The following SRPK1 variants were observed in gnomAD, a reference collection of about 807,000 sequenced individuals.
SRPK1 encodes SRSF protein kinase 1.
Under a neutral mutation model 89.5 loss-of-function variants are expected in SRPK1, and 52 were observed. That is an observed-to-expected ratio of 0.58 (90% confidence interval 0.46 to 0.73). SRPK1 has a LOEUF of 0.73. SRPK1 is among the 30% of genes least tolerant of loss of function. The probability of loss-of-function intolerance (pLI) is 0.00; values close to 1 mark genes in which losing one functional copy is unlikely to be tolerated. For missense variants in SRPK1, 603 were observed against 780.6 expected, an observed-to-expected ratio of 0.77 and a Z score of 2.71; for synonymous variants, 255 against 270.2, an observed-to-expected ratio of 0.94 and a Z score of 0.55.
At chr6:35,862,777 T>C (rs1025660450) in intron 12 of SRPK1, among the ~76,000 whole-genome samples, 1 of 151,848 alleles carries the variant, frequency 6.6e-6, no homozygotes. Context: ...AATCAGAAAA[T>C]CCATTCAAGA....
chr6:35,838,377 A>G lies in SRPK1; in HGVS notation c.1743T>C (p.Ile581=). Residue 581 remains isoleucine, a synonymous_variant, in exon 15 of 16, where the codon ATT becomes ATC. Coordinates refer to ENST00000373825, the MANE Select transcript of SRPK1 (RefSeq NM_003137.5). ...ELLGKVPRKL[I]VAGKYSKEFF... The stretch of plus-strand genomic sequence containing the variant: ...ATTCCTTGGAATATTTTCCTGCCAC[A>G]ATGAGCTTGCGAGGCACCTTCCCCA... The G allele has an allele frequency of 6.3e-7, 1 of 1,581,660 alleles. No individual in the cohort carries two copies. Among genetic ancestry groups the G allele is most frequent in the Non-Finnish European group, 8.5e-7 (1 of 1,171,780 alleles).
chr6:35,901,994 C>T (rs960242301), intron 2 of SRPK1, among the ~76,000 whole-genome samples: 1 of 151,966 alleles, frequency 6.6e-6, no homozygotes, highest in African/African-American at 2.4e-5. Context: ...CAACCTTGAT[C>T]CTCAGGTGAC....
At chr6:35,892,681 A>AATG (rs1561989576) in intron 2 of SRPK1, among the ~76,000 whole-genome samples, 1 of 141,150 alleles carries the variant, frequency 7.1e-6, no homozygotes, top group Non-Finnish European at 1.6e-5. Context: ...CAACAACAAC[A>AATG]ACAACAACGA....
intron 2 of SRPK1, among the ~76,000 whole-genome samples, chr6:35,898,400 T>C (rs1770667492): frequency 1.3e-5 from 2 of 152,138 alleles, no homozygotes; most frequent in Admixed American, 1.3e-4. Flanking sequence ...GGGTTAGGGA[T>C]AAAAGACTAG....
chr6:35,844,233 G>T (rs1177152625), intron 13 of SRPK1, among the ~76,000 whole-genome samples: 1 of 151,956 alleles, frequency 6.6e-6, no homozygotes, highest in Non-Finnish European at 1.5e-5. Context: ...TCGATCTCCT[G>T]ACCTCGTGAT....
At chr6:35,873,832 CT>C (rs34831961) in intron 7 of SRPK1, among the ~76,000 whole-genome samples, 102 of 114,800 alleles carry the variant, frequency 8.9e-4, no homozygotes, top group Non-Finnish European at 7.1e-4. Context: ...AACAAAAATT[CT>C]TTTTTTTTTT....
intron 6 of SRPK1, among the ~76,000 whole-genome samples, chr6:35,880,203 G>A (rs750070119): frequency 5.3e-5 from 8 of 151,814 alleles, no homozygotes; most frequent in Non-Finnish European, 1.0e-4. Flanking sequence ...AAGGAATTCT[G>A]GTGCTGAAAA....
At chr6:35,863,650 A>G (rs1449676874) in intron 12 of SRPK1, among the ~76,000 whole-genome samples, 1 of 151,668 alleles carries the variant, frequency 6.6e-6, no homozygotes, top group African/African-American at 2.4e-5. Context: ...GGGAGGGGAG[A>G]CTTTCCCACA....
rs981935945 is a variant in SRPK1 at position 35,857,176 on chromosome 6, G to A, written c.1620+85C>T. On this transcript the variant is annotated intron_variant, in intron 13 of 15. Coordinates refer to ENST00000373825, the MANE Select transcript of SRPK1 (RefSeq NM_003137.5). Reference sequence around the variant, plus strand: ...ATCTGTGTTACGTTCTTTTCTGCTAGTTAATTTGCTGGTTTACTGAAATTA... The same window carrying A: ...ATCTGTGTTACGTTCTTTTCTGCTAATTAATTTGCTGGTTTACTGAAATTA... The A allele has an allele frequency of 1.3e-5, 12 of 946,002 alleles. No homozygotes were observed. The African/African-American group carries it at 2.0e-4, about 15-fold the overall frequency. 58.6% of individuals were successfully genotyped at this position (946,002 alleles called of 1,614,324 possible). A position where few individuals can be genotyped will look rare whatever the true frequency, so the allele number is the denominator to read the frequency against.
chr6:35,841,684 T>C (rs964298264), intron 14 of SRPK1, among the ~76,000 whole-genome samples: 3 of 151,802 alleles, frequency 2.0e-5, no homozygotes, highest in Admixed American at 1.3e-4. Context: ...ATACAAAAAT[T>C]AGCTGGGCAT....
intron 2 of SRPK1, among the ~76,000 whole-genome samples, chr6:35,919,380 C>T (rs959733628): frequency 5.3e-5 from 8 of 152,156 alleles, no homozygotes; most frequent in Admixed American, 3.9e-4. Context: ...CTACACCCCC[C>T]TAATCTGGTA....
At chr6:35,872,367 C>A (rs1270332280) in intron 8 of SRPK1, among the ~76,000 whole-genome samples, 196 bp downstream of exon 8, 2 of 152,116 alleles carry the variant, frequency 1.3e-5, no homozygotes, top group African/African-American at 2.4e-5. Context: ...TAACATACAA[C>A]ACAAAGACAC....
In SRPK1 at chr6:35,866,510, T is replaced by C. The variant is rs1381075390; in HGVS notation, c.1512+2500A>G. ...GTGAGGCAGGAGAATTGCTTGAACC[T>C]GGGAGGCAGAGGCTGCAGTGAGCAG... On this transcript the variant is annotated intron_variant, in intron 12 of 15. Transcript: ENST00000373825. 3.9e-5 allele frequency among the ~76,000 whole-genome samples: 6 copies of C among 151,994 alleles called. No homozygotes were observed. The East Asian group carries it at 1.2e-3, about 29-fold the overall frequency.
In SRPK1 at chr6:35,918,965, G is replaced by A. The variant is rs543232501; in HGVS notation, c.74+1503C>T. Among the ~76,000 whole-genome samples, 36 of 152,258 alleles carry A rather than the reference G, an allele frequency of 2.4e-4. No homozygotes were observed. In the South Asian group the frequency reaches 5.6e-3, roughly 24 times the overall value. On this transcript the variant is annotated intron_variant, in intron 2 of 15. Transcript: ENST00000373825. ...GACCAGGATTTCTAAAAAATACAGA[G>A]TAATATAATAAAAACTGCAACTTCC...
chr6:35,853,638 C>A (rs1769603586), intron 13 of SRPK1, among the ~76,000 whole-genome samples: 2 of 152,292 alleles, frequency 1.3e-5, no homozygotes, highest in Admixed American at 6.5e-5. Context: ...ACTCCTAGAA[C>A]CTCTCACAAG....
intron 6 of SRPK1, among the ~76,000 whole-genome samples, chr6:35,883,170 G>A (rs1425172806): frequency 1.3e-5 from 2 of 152,134 alleles, no homozygotes; most frequent in East Asian, 3.9e-4. Context: ...TTCAATCCCA[G>A]CACTTTGGGA....
intron 7 of SRPK1, 69 bp from the exon 8 acceptor site, chr6:35,872,797 A>G (rs1252643918): frequency 8.9e-6 from 12 of 1,346,932 alleles, no homozygotes; most frequent in Non-Finnish European, 1.1e-5. Flanking sequence ...AAGAGATTAT[A>G]ACATGACATT....
chr6:35,836,580 C>T (rs1351302659), intron 15 of SRPK1, among the ~76,000 whole-genome samples: 1 of 151,844 alleles, frequency 6.6e-6, no homozygotes, highest in East Asian at 1.9e-4. Context: ...TAGTGAAACC[C>T]TGCCTCTACC....
chr6:35,905,660 A>T (rs943881805), intron 2 of SRPK1, among the ~76,000 whole-genome samples: 1 of 152,196 alleles, frequency 6.6e-6, no homozygotes, highest in Admixed American at 6.5e-5. Flanking sequence ...CAATAACAAA[A>T]ATTGTGATCT....
Sources: gnomAD v4.1 joint callset for allele counts (sites outside exome capture counted in the v4.1 genomes callset) on GRCh38, gnomAD v4.1.1 for gene constraint, MANE v1.5 for transcripts, NCBI Gene and HGNC (gene_info 2026-07-23, HGNC 2026-07-21) for gene names.